The following RHPN2 variants were observed in gnomAD, a reference collection of about 807,000 sequenced individuals.
The protein encoded by RHPN2 is rhophilin Rho GTPase binding protein 2, also known as rhophilin-2.
RHPN2 carries 40 observed loss-of-function variants against 79.0 expected under a neutral mutation model. The ratio of observed to expected loss-of-function variants is 0.51; its 90% CI spans 0.39 to 0.66. The LOEUF (loss-of-function observed/expected upper bound fraction) is 0.66. RHPN2 is among the 30% of genes least tolerant of loss of function. RHPN2 has a pLI of 0.00. For missense variants in RHPN2, 686 were observed against 883.5 expected (o/e 0.78, Z 2.83); for synonymous variants, 285 against 363.5 (o/e 0.78, Z 2.46).
intron 2 of RHPN2, among the ~76,000 whole-genome samples, chr19:33,043,095 A>T (rs1972113824): frequency 7.1e-6 from 1 of 141,176 alleles, no homozygotes. Context: ...AAAAAAAATT[A>T]GTCGGGCATG....
intron 14 of RHPN2, among the ~76,000 whole-genome samples, chr19:32,986,725 C>G (rs1402909038): frequency 6.8e-6 from 1 of 147,068 alleles, no homozygotes; most frequent in African/African-American, 2.5e-5. Flanking sequence ...ATCCAGGAGG[C>G]GGAGGTTGCA....
At chr19:32,995,906 C>T in intron 11 of RHPN2, 120 bp downstream of exon 11, 1 of 930,760 alleles carries the variant, frequency 1.1e-6, no homozygotes, top group Non-Finnish European at 1.7e-6. Flanking sequence ...CAGTCCCTAC[C>T]CTGTGCAGCT....
rs1309638724 is a variant in RHPN2, at chr19:33,048,741, A to AAAC, written c.70-4378_70-4377insGTT. 2.8e-4 allele frequency among the ~76,000 whole-genome samples: 43 copies of AAAC among 151,232 alleles called. 2 individuals carry two copies. The highest frequency in any genetic ancestry group is 9.3e-4 in the African/African-American group (38 of 41,056). The stretch of plus-strand genomic sequence containing the variant: ...ACTCAGTCTCAAAAAAAAAAAAAAA[A>AAAC]AAAACTTTAATGTTAAGCTATTATA... On this transcript the variant is annotated intron_variant, in intron 1 of 14. Coordinates refer to ENST00000254260, the MANE Select transcript of RHPN2 (RefSeq NM_033103.5).
intron 2 of RHPN2, among the ~76,000 whole-genome samples, chr19:33,040,827 G>C (rs962025802): frequency 6.6e-6 from 1 of 151,972 alleles, no homozygotes; most frequent in African/African-American, 2.4e-5. Flanking sequence ...GGTGGCACAT[G>C]CCTATAATCC....
intron 1 of RHPN2, among the ~76,000 whole-genome samples, chr19:33,060,681 C>T (rs1253097211): frequency 6.6e-6 from 1 of 152,122 alleles, no homozygotes; most frequent in Non-Finnish European, 1.5e-5. Flanking sequence ...TACAGGAACA[C>T]AACACTATGC....
Position 33,023,563 on chromosome 19 carries a change from G to A in RHPN2, c.315-1917C>T, listed in dbSNP as rs530652946. Among the ~76,000 whole-genome samples, 189 of 151,814 alleles carry A rather than the reference G, an allele frequency of 1.2e-3. 1 individual carries two copies. The highest frequency in any genetic ancestry group is 4.4e-3 in the African/African-American group (181 of 41,436). On this transcript the variant is annotated intron_variant, in intron 3 of 14. Transcript: ENST00000254260. ...AGCTCTTTGGGAGGCCGAGGCAGGC[G>A]GATCACGAGGTCAGGAGATCGAGAC...
intron 14 of RHPN2, among the ~76,000 whole-genome samples, chr19:32,980,963 T>C (rs1194820391): frequency 2.6e-5 from 4 of 152,054 alleles, no homozygotes; most frequent in Admixed American, 1.3e-4. Flanking sequence ...TCAGCCTCTC[T>C]GAGTAGCTGG....
intron 4 of RHPN2, among the ~76,000 whole-genome samples, chr19:33,017,323 G>C (rs2145242579): frequency 6.6e-6 from 1 of 152,046 alleles, no homozygotes. Flanking sequence ...GCAGTGAGCT[G>C]AGATCGTGCC....
At chr19:33,062,478 A>C (rs1349182305) in intron 1 of RHPN2, among the ~76,000 whole-genome samples, 4 of 147,408 alleles carry the variant, frequency 2.7e-5, no homozygotes, top group Non-Finnish European at 6.0e-5. Context: ...AAAAAAAAAA[A>C]AACACCTGTA....
intron 14 of RHPN2, among the ~76,000 whole-genome samples, chr19:32,986,372 G>A (rs1251354558): frequency 1.3e-5 from 2 of 152,002 alleles, no homozygotes; most frequent in South Asian, 2.1e-4. Flanking sequence ...TTGGACAAAC[G>A]TCTTTTCTGT....
Position 32,996,937 on chromosome 19 carries a change from G to A in RHPN2, c.1226-717C>T, listed in dbSNP as rs529244566. 1.2e-4 allele frequency among the ~76,000 whole-genome samples: 18 copies of A among 151,486 alleles called. No homozygotes were observed. In the East Asian group the frequency reaches 1.4e-3, roughly 11 times the overall value. On this transcript the variant is annotated intron_variant, in intron 10 of 14. Coordinates refer to ENST00000254260, the MANE Select transcript of RHPN2 (RefSeq NM_033103.5). ...TAGAGACAGGGTCTCACTTTGTTTC[G>A]CACGCTGGAGTACAGTGGTGCAATC...
chr19:33,038,743 G>A (rs980020500), intron 2 of RHPN2, among the ~76,000 whole-genome samples: 8 of 151,862 alleles, frequency 5.3e-5, no homozygotes, highest in Non-Finnish European at 8.8e-5. Flanking sequence ...CTGCAACCTC[G>A]AACTCCTGGG....
intron 6 of RHPN2, among the ~76,000 whole-genome samples, chr19:33,011,329 T>A (rs2063086145): frequency 6.6e-6 from 1 of 152,120 alleles, no homozygotes; most frequent in Non-Finnish European, 1.5e-5. Flanking sequence ...CACATACACA[T>A]GCATGCCCCT....
intron 1 of RHPN2, among the ~76,000 whole-genome samples, chr19:33,058,063 G>A (rs1283623655): frequency 6.6e-6 from 1 of 152,160 alleles, no homozygotes; most frequent in Non-Finnish European, 1.5e-5. Context: ...GGGAGGCTGA[G>A]GCAGGAGTAT....
chr19:33,053,803 G>A (rs1972209351), intron 1 of RHPN2, among the ~76,000 whole-genome samples: 1 of 151,860 alleles, frequency 6.6e-6, no homozygotes, highest in Non-Finnish European at 1.5e-5. Context: ...AAGACCTCAG[G>A]TGATCCACCT....
chr19:33,013,755 C>T (rs1050154731), intron 4 of RHPN2, among the ~76,000 whole-genome samples: 2 of 152,086 alleles, frequency 1.3e-5, no homozygotes, highest in Non-Finnish European at 2.9e-5. Flanking sequence ...GGACAAGTTT[C>T]CCAGCACAGA....
chr19:32,987,085 C>T (rs888627758), intron 14 of RHPN2, among the ~76,000 whole-genome samples: 7 of 151,772 alleles, frequency 4.6e-5, no homozygotes, highest in African/African-American at 1.7e-4. Flanking sequence ...GCCATGTTGC[C>T]CAGGCTGGTC....
chr19:32,992,411 A>G (rs1185466120), intron 12 of RHPN2, among the ~76,000 whole-genome samples: 1 of 151,760 alleles, frequency 6.6e-6, no homozygotes, highest in Non-Finnish European at 1.5e-5. Context: ...GGCTGGTCTC[A>G]AACTCCTGAC....
intron 12 of RHPN2, among the ~76,000 whole-genome samples, chr19:32,993,000 C>T (rs1020404691): frequency 1.3e-5 from 2 of 151,854 alleles, no homozygotes; most frequent in Non-Finnish European, 2.9e-5. Flanking sequence ...TACCTGTAGT[C>T]CCATCTACTA....
Sources: allele counts gnomAD v4.1 joint callset (sites outside exome capture counted in the v4.1 genomes callset), GRCh38; gene constraint gnomAD v4.1.1; transcripts MANE v1.5; gene names NCBI Gene and HGNC (gene_info 2026-07-23, HGNC 2026-07-21).